Variants in LHFPL4 observed in about 807,000 individuals in gnomAD.
The protein encoded by LHFPL4 is LHFPL tetraspan subfamily member 4.
In LHFPL4, 6 loss-of-function variants were observed where a neutral mutation model predicts 20.0. The observed-to-expected ratio is 0.30, with a 90% CI of 0.16 to 0.59. The LOEUF is 0.59. LHFPL4 is among the 20% of genes least tolerant of loss of function. The pLI is 0.88. For missense variants in LHFPL4, 215 were observed against 331.2 expected (o/e 0.65, Z 2.72); for synonymous variants, 129 against 143.8 (o/e 0.90, Z 0.74).
At chr3:9,515,878 CT>C (rs1424443178) in intron 2 of LHFPL4, among the ~76,000 whole-genome samples, 1 of 151,914 alleles carries the variant, frequency 6.6e-6, no homozygotes, top group Non-Finnish European at 1.5e-5. Context: ...CCAGACCTGG[CT>C]AATTTTTGTA....
chr3:9,552,211 C>T, intron 2 of LHFPL4, 63 bp downstream of exon 2: 1 of 1,529,458 alleles, frequency 6.5e-7, no homozygotes, highest in Non-Finnish European at 8.8e-7. Context: ...GGAAGGGGAC[C>T]TGGCAGGAAG....
intron 2 of LHFPL4, among the ~76,000 whole-genome samples, chr3:9,535,506 GACT>G (rs2046439366): frequency 6.6e-6 from 1 of 152,114 alleles, no homozygotes; most frequent in South Asian, 2.1e-4. Context: ...GAGACACTAA[GACT>G]ACGGGTGTAA....
intron 2 of LHFPL4, among the ~76,000 whole-genome samples, chr3:9,523,070 A>AAG (rs375049117): frequency 0.5 from 49,525 of 100,030 alleles, 11,242 homozygotes; most frequent in South Asian, 0.58. Context: ...AAAGAAAGAA[A>AAG]GAAAAGGAAG....
At chr3:9,550,944 C>G (rs1292429949) in intron 2 of LHFPL4, 1 of 152,250 alleles carries the variant, frequency 6.6e-6, no homozygotes, top group Non-Finnish European at 1.5e-5. Context: ...AGCCTCATGA[C>G]TTTGTCCTCA....
rs528248075 is a variant in LHFPL4 at position 9,522,614 on chromosome 3, G to A, written c.407-16411C>T. Among the ~76,000 whole-genome samples, 41 of 150,848 alleles carry A rather than the reference G, an allele frequency of 2.7e-4. 1 individual carries two copies. In the South Asian group the frequency reaches 5.9e-3, roughly 22 times the overall value. On this transcript the variant is annotated intron_variant, in intron 2 of 3. Coordinates refer to ENST00000287585, the MANE Select transcript of LHFPL4 (RefSeq NM_198560.3). ...AAATTAGCCAGGCATGGTGGCGCGC[G>A]CCTGTAATCCCAGCTACTCGGGAGG...
chr3:9,530,557 A>G (rs2046402666), intron 2 of LHFPL4, among the ~76,000 whole-genome samples: 1 of 152,140 alleles, frequency 6.6e-6, no homozygotes, highest in Non-Finnish European at 1.5e-5. Flanking sequence ...AGACTGCTAA[A>G]GCTTTCTCCA....
At chr3:9,523,993 C>CCCA (rs1553647672) in intron 2 of LHFPL4, among the ~76,000 whole-genome samples, 1 of 142,232 alleles carries the variant, frequency 7.0e-6, no homozygotes, top group African/African-American at 2.6e-5. Flanking sequence ...TCCCCCCCCC[C>CCCA]CAACACTTTA....
At chr3:9,518,430 T>G (rs2046317340) in intron 2 of LHFPL4, among the ~76,000 whole-genome samples, 2 of 152,188 alleles carry the variant, frequency 1.3e-5, no homozygotes, top group African/African-American at 4.8e-5. Flanking sequence ...TAAAAATGAG[T>G]TAGGAAGTTT....
intron 3 of LHFPL4, 90 bp downstream of exon 3, chr3:9,505,877 A>AAT: frequency 8.0e-7 from 1 of 1,256,528 alleles, no homozygotes; most frequent in East Asian, 2.3e-5. Context: ...CAATTCATGC[A>AAT]ACCCTCTTAC....
In LHFPL4 at chr3:9,552,509, G is replaced by C. The variant is rs1195063598; in HGVS notation, c.171C>G (p.Gly57=). 6.2e-7 allele frequency: 1 copy of C among 1,613,674 alleles called. No homozygotes were observed. Among genetic ancestry groups the C allele is most frequent in the Admixed American group, 1.7e-5 (1 of 60,006 alleles). ...CGCAGTAGTGGAAGAGGCCGAAGTA[G>C]CCAGGCTTGGGGGTGCTCACGCTGT... The part of the protein sequence containing the change: ...VGDSVSTPKP[G]YFGLFHYCVG... The change falls in exon 2 of 4, where the codon GGC becomes GGG. Residue 57 remains glycine, a synonymous_variant. Transcript: ENST00000287585.
At chr3:9,553,505 A>G (rs2046571255) in intron 1 of LHFPL4, among the ~76,000 whole-genome samples, 180 bp downstream of exon 1, 1 of 150,142 alleles carries the variant, frequency 6.7e-6, no homozygotes, top group Admixed American at 6.6e-5. Flanking sequence ...AAAGGAACGA[A>G]AGACCGGGGC....
At chr3:9,539,454 CAAAAA>C (rs57211005) in intron 2 of LHFPL4, among the ~76,000 whole-genome samples, 3 of 109,454 alleles carry the variant, frequency 2.7e-5, no homozygotes, top group Admixed American at 1.0e-4. Context: ...AACTTCGTCT[CAAAAA>C]AAAAAAAAAA....
intron 2 of LHFPL4, among the ~76,000 whole-genome samples, chr3:9,528,984 C>G (rs981118775): frequency 1.2e-4 from 18 of 150,788 alleles, no homozygotes; most frequent in African/African-American, 4.4e-4. Context: ...GTAGCACGAT[C>G]TTGGCTCACT....
chr3:9,516,451 C>T (rs1255682943), intron 2 of LHFPL4, among the ~76,000 whole-genome samples: 2 of 151,814 alleles, frequency 1.3e-5, no homozygotes, highest in Non-Finnish European at 2.9e-5. Flanking sequence ...TTTGCCCGTT[C>T]TTTCACCAGT....
intron 2 of LHFPL4, among the ~76,000 whole-genome samples, chr3:9,531,850 G>A (rs2046411281): frequency 6.6e-6 from 1 of 151,734 alleles, no homozygotes; most frequent in Non-Finnish European, 1.5e-5. Context: ...CTAAAGGAGA[G>A]TTCAAAGGAA....
chr3:9,532,585 T>G (rs2046416724), intron 2 of LHFPL4, among the ~76,000 whole-genome samples: 1 of 152,190 alleles, frequency 6.6e-6, no homozygotes, highest in Non-Finnish European at 1.5e-5. Flanking sequence ...GCCTCCCTCC[T>G]TGGCCTCCCA....
At chr3:9,524,029 C>T (rs1174719843) in intron 2 of LHFPL4, among the ~76,000 whole-genome samples, 2 of 136,582 alleles carry the variant, frequency 1.5e-5, no homozygotes, top group Non-Finnish European at 3.1e-5. Flanking sequence ...TCTCTTCTTG[C>T]TTGCACAGTT....
intron 2 of LHFPL4, among the ~76,000 whole-genome samples, chr3:9,536,929 A>AG: frequency 6.6e-6 from 1 of 151,800 alleles, no homozygotes; most frequent in East Asian, 1.9e-4. Flanking sequence ...AAAAAAAAAA[A>AG]AAAAAATTCA....
chr3:9,536,258 G>A (rs73130175), intron 2 of LHFPL4, among the ~76,000 whole-genome samples: 1,620 of 152,328 alleles, frequency 0.011, 34 homozygotes, highest in African/African-American at 0.037. Context: ...ACTCAGCTCT[G>A]TTCCTGCCCA....
Sources: gnomAD v4.1 joint callset for allele counts (sites outside exome capture counted in the v4.1 genomes callset) on GRCh38, gnomAD v4.1.1 for gene constraint, MANE v1.5 for transcripts, NCBI Gene and HGNC (gene_info 2026-07-23, HGNC 2026-07-21) for gene names.